The following ARNT2 variants were observed in gnomAD, a reference collection of about 807,000 sequenced individuals.
The protein encoded by ARNT2 is aryl hydrocarbon receptor nuclear translocator 2.
A neutral mutation model predicts 91.7 loss-of-function variants in ARNT2; 36 were observed. The ratio of observed to expected loss-of-function variants is 0.39; its 90% CI spans 0.30 to 0.52. The LOEUF (loss-of-function observed/expected upper bound fraction) is 0.52. Among genes scored for constraint, ARNT2 ranks in the 20% least tolerant of loss-of-function variants. ARNT2 has a pLI of 0.72. For synonymous variants in ARNT2, 365 were observed against 347.1 expected (o/e 1.05, Z -0.57); for missense variants, 775 against 939.3 (o/e 0.83, Z 2.29).
At chr15:80,421,008 A>G (rs1012896571) in intron 1 of ARNT2, among the ~76,000 whole-genome samples, 1 of 152,224 alleles carries the variant, frequency 6.6e-6, no homozygotes, top group African/African-American at 2.4e-5. Flanking sequence ...CAACCTAAGT[A>G]CCTGTCAACT....
chr15:80,576,984 G>A lies in ARNT2; in HGVS notation c.1613+19G>A, dbSNP rs1051475126. Reference sequence around the variant, plus strand: ...CCTTCAGGTATGTGCCAGCGAGGGGGACAATGGCGTGGGAAGATGCTCCCT... The same window carrying A: ...CCTTCAGGTATGTGCCAGCGAGGGGAACAATGGCGTGGGAAGATGCTCCCT... On this transcript the variant is annotated intron_variant, in intron 15 of 18. Transcript: ENST00000303329. 2 of 1,611,416 alleles carry A rather than the reference G, an allele frequency of 1.2e-6. No individual in the cohort carries two copies. Among genetic ancestry groups the A allele is most frequent in the Non-Finnish European group, 1.7e-6 (2 of 1,177,782 alleles).
chr15:80,457,886 T>C, intron 2 of ARNT2, 43 bp from the exon 3 acceptor site: 1 of 1,606,810 alleles, frequency 6.2e-7, no homozygotes, highest in Non-Finnish European at 8.5e-7. Flanking sequence ...AGTTAAAATG[T>C]TCTCCTAATA....
chr15:80,512,823 G>A (rs769789609), intron 6 of ARNT2, among the ~76,000 whole-genome samples: 27 of 152,188 alleles, frequency 1.8e-4, no homozygotes, highest in Admixed American at 7.9e-4. Flanking sequence ...TCCAGGGAGC[G>A]TGATATTGGT....
At chr15:80,536,724 A>G (rs879563476) in intron 8 of ARNT2, among the ~76,000 whole-genome samples, 3 of 152,136 alleles carry the variant, frequency 2.0e-5, no homozygotes, top group Non-Finnish European at 4.4e-5. Flanking sequence ...GGGTAAAAGG[A>G]AGCAAAACAG....
At chr15:80,448,377 G>A in intron 1 of ARNT2, among the ~76,000 whole-genome samples, 1 of 152,322 alleles carries the variant, frequency 6.6e-6, no homozygotes, top group Non-Finnish European at 1.5e-5. Flanking sequence ...GAAAAAGAAA[G>A]ATCACTTGTG....
chr15:80,485,122 T>C (rs895536855), intron 5 of ARNT2, among the ~76,000 whole-genome samples: 17 of 152,228 alleles, frequency 1.1e-4, no homozygotes, highest in Admixed American at 1.1e-3. Flanking sequence ...AGATCAGTGG[T>C]TTCCCAAACT....
At chr15:80,586,984 C>T (rs993797913) in intron 17 of ARNT2, among the ~76,000 whole-genome samples, 5 of 152,238 alleles carry the variant, frequency 3.3e-5, no homozygotes, top group African/African-American at 1.2e-4. Flanking sequence ...TTGCAGACAC[C>T]ATGCACCCTC....
chr15:80,406,214 C>T (rs900029915), intron 1 of ARNT2, among the ~76,000 whole-genome samples: 1 of 152,072 alleles, frequency 6.6e-6, no homozygotes, highest in Non-Finnish European at 1.5e-5. Flanking sequence ...ATGGAGACAC[C>T]AAGGTGAAGA....
intron 11 of ARNT2, among the ~76,000 whole-genome samples, chr15:80,560,770 A>AG (rs1175094791): frequency 3.9e-5 from 6 of 152,152 alleles, no homozygotes; most frequent in Non-Finnish European, 7.3e-5. Flanking sequence ...TCCAGCCCCA[A>AG]GGGGAAACAG....
chr15:80,441,055 T>C (rs1896180311), intron 1 of ARNT2, among the ~76,000 whole-genome samples: 1 of 152,248 alleles, frequency 6.6e-6, no homozygotes, highest in African/African-American at 2.4e-5. Flanking sequence ...CACTAAAATG[T>C]TTGGATAAGA....
At chr15:80,533,757 C>T (rs1285062199) in intron 8 of ARNT2, among the ~76,000 whole-genome samples, 1 of 152,236 alleles carries the variant, frequency 6.6e-6, no homozygotes, top group African/African-American at 2.4e-5. Context: ...CCATTGAATC[C>T]CACTGCTCCT....
chr15:80,586,840 C>CAA (rs10679933), intron 17 of ARNT2, among the ~76,000 whole-genome samples: 20,717 of 112,814 alleles, frequency 0.18, 1,648 homozygotes, highest in Middle Eastern at 0.23. Flanking sequence ...GACTCCATTT[C>CAA]AAAAAAAAAA....
chr15:80,552,303 G>C (rs1045823583), intron 9 of ARNT2, among the ~76,000 whole-genome samples: 5 of 152,176 alleles, frequency 3.3e-5, no homozygotes, highest in African/African-American at 1.2e-4. Context: ...GGGAAGAGAA[G>C]GGGATTAACA....
rs757899343 is a variant in ARNT2 at position 80,450,907 on chromosome 15, T to C, written c.59T>C (p.Val20Ala). ...PEMASDIPGS[V>A]TLPVAPMAAT... is the part of the protein sequence containing the mutation. ...ATGGCTTCAGACATACCTGGATCTG[T>C]GACGTTGCCCGTTGCCCCCATGGCG... The change falls in exon 2 of 19, where the codon GTG becomes GCG. Residue 20 changes from valine (V) to alanine (A), a missense_variant. Physicochemically the swap from Val to Ala is moderately conservative, Grantham distance 64. Transcript: ENST00000303329. 2.5e-6 allele frequency: 4 copies of C among 1,614,230 alleles called. No individual in the cohort carries two copies. The highest frequency in any genetic ancestry group is 3.4e-6 in the Non-Finnish European group (4 of 1,180,048).
At chr15:80,441,402 C>T (rs1475858881) in intron 1 of ARNT2, 22 of 984,160 alleles carry the variant, frequency 2.2e-5, no homozygotes, top group Non-Finnish European at 2.7e-5. Context: ...ATTTGATGTG[C>T]TTTCTGTGAA....
chr15:80,535,388 A>G (rs1243164798), intron 8 of ARNT2, among the ~76,000 whole-genome samples: 2 of 152,196 alleles, frequency 1.3e-5, no homozygotes, highest in Non-Finnish European at 2.9e-5. Flanking sequence ...TTGCTGTTTC[A>G]CTGTTACACT....
chr15:80,471,387 G>A (rs928731138), intron 4 of ARNT2, among the ~76,000 whole-genome samples: 13 of 152,194 alleles, frequency 8.5e-5, no homozygotes, highest in Admixed American at 6.5e-5. Context: ...GAGGATGGAG[G>A]TTGGGAGGAG....
chr15:80,420,195 A>G (rs922608796), intron 1 of ARNT2, among the ~76,000 whole-genome samples: 11 of 148,064 alleles, frequency 7.4e-5, no homozygotes, highest in African/African-American at 2.5e-4. Context: ...TGTATTGACT[A>G]TACAGATGGT....
intron 8 of ARNT2, among the ~76,000 whole-genome samples, chr15:80,550,392 C>T (rs79912028): frequency 7.9e-5 from 12 of 152,232 alleles, no homozygotes; most frequent in Non-Finnish European, 1.5e-4. Flanking sequence ...ACCCTTGGTC[C>T]GACCCAGTGT....
Sources: gnomAD v4.1 joint callset for allele counts (sites outside exome capture counted in the v4.1 genomes callset) on GRCh38, gnomAD v4.1.1 for gene constraint, MANE v1.5 for transcripts, NCBI Gene and HGNC (gene_info 2026-07-23, HGNC 2026-07-21) for gene names.